The following HCN1 variants were observed in gnomAD, a reference collection of about 807,000 sequenced individuals.
HCN1 encodes the protein potassium/sodium hyperpolarization-activated cyclic nucleotide-gated channel 1.
A neutral mutation model predicts 78.9 loss-of-function variants in HCN1; 13 were observed. The observed-to-expected ratio is 0.16, with a 90% CI of 0.11 to 0.26. The LOEUF is 0.26. HCN1 is among the 10% of genes least tolerant of loss of function. The pLI is 1.00. For missense variants in HCN1, 810 were observed against 1,154.3 expected, an observed-to-expected ratio of 0.70 and a Z score of 4.32; for synonymous variants, 552 against 455.5, an observed-to-expected ratio of 1.21 and a Z score of -2.70.
chr5:45,284,924 A>G (rs1490125563), intron 6 of HCN1, among the ~76,000 whole-genome samples: 1 of 152,072 alleles, frequency 6.6e-6, no homozygotes, highest in Non-Finnish European at 1.5e-5. Context: ...TAAAGTGGAA[A>G]AAACAATGTA....
At chr5:45,640,593 T>C (rs1745434918) in intron 2 of HCN1, among the ~76,000 whole-genome samples, 1 of 150,854 alleles carries the variant, frequency 6.6e-6, no homozygotes. Flanking sequence ...TTTTTTTTTT[T>C]GACGGAGTTT....
Position 45,260,640 on chromosome 5 carries a change from A to G in HCN1, c.*1281T>C, listed in dbSNP as rs1480565328. The G allele has an allele frequency of 1.3e-5, 2 of 152,646 alleles. No individual in the cohort carries two copies. The highest frequency in any genetic ancestry group is 3.8e-4 in the East Asian group (2 of 5,198). The allele number at this position is 152,646 out of a possible 1,614,324, so 9.5% of individuals were successfully genotyped here. ...GAATTTATTTCTTTAAATTAATACC[A>G]TAGTAAATTACCAGCTACAGTGAAG... On this transcript the variant is annotated 3_prime_UTR_variant, in exon 8 of 8. Coordinates refer to ENST00000303230, the MANE Select transcript of HCN1 (RefSeq NM_021072.4).
At chr5:45,599,169 T>C (rs1369831985) in intron 2 of HCN1, among the ~76,000 whole-genome samples, 1 of 152,102 alleles carries the variant, frequency 6.6e-6, no homozygotes, top group Non-Finnish European at 1.5e-5. Context: ...CAAATAGCCA[T>C]CAATGCTAGA....
rs754531784 is a variant in HCN1, at chr5:45,262,737, G to A, written c.1857C>T (p.Asn619=). Reference sequence around the variant, plus strand: ...GTTTCACAATCTGCTTGAGGATTTCGTTCTCCTGATTGTTGAAAACACCAG... The same window carrying A: ...GTTTCACAATCTGCTTGAGGATTTCATTCTCCTGATTGTTGAAAACACCAG... ...LNTGVFNNQE[N]EILKQIVKHD... The change falls in exon 8 of 8, where the codon AAC becomes AAT. Residue 619 remains asparagine (N), a synonymous_variant. Transcript: ENST00000303230. The A allele has an allele frequency of 1.9e-6, 3 of 1,614,120 alleles. No individual in the cohort carries two copies. In the Admixed American group the frequency reaches 5.0e-5, roughly 27 times the overall value.
chr5:45,659,120 C>G (rs1378250152), intron 1 of HCN1, among the ~76,000 whole-genome samples: 1 of 152,002 alleles, frequency 6.6e-6, no homozygotes, highest in Non-Finnish European at 1.5e-5. Flanking sequence ...AACGGGCAGA[C>G]TGCCTCCTCA....
intron 4 of HCN1, among the ~76,000 whole-genome samples, chr5:45,383,381 A>T (rs1747845827): frequency 6.6e-6 from 1 of 152,056 alleles, no homozygotes; most frequent in Admixed American, 6.6e-5. Flanking sequence ...ACATAATTTC[A>T]AAATCTACAC....
At chr5:45,343,431 A>C (rs1419783644) in intron 5 of HCN1, among the ~76,000 whole-genome samples, 1 of 152,212 alleles carries the variant, frequency 6.6e-6, no homozygotes, top group African/African-American at 2.4e-5. Flanking sequence ...GAGATGCTTT[A>C]GTTTAGGACA....
intron 4 of HCN1, among the ~76,000 whole-genome samples, chr5:45,363,302 GCT>G (rs896076241): frequency 1.3e-5 from 2 of 151,324 alleles, no homozygotes; most frequent in Admixed American, 6.6e-5. Flanking sequence ...TTGCATCAGG[GCT>G]CTCTGGGAAC....
At chr5:45,374,320 T>C in intron 4 of HCN1, among the ~76,000 whole-genome samples, 1 of 139,664 alleles carries the variant, frequency 7.2e-6, no homozygotes, top group Middle Eastern at 3.3e-3. Context: ...ATATACATTA[T>C]ATACATTATA....
At chr5:45,326,690 G>C (rs1183170731) in intron 5 of HCN1, among the ~76,000 whole-genome samples, 1 of 151,616 alleles carries the variant, frequency 6.6e-6, no homozygotes, top group Non-Finnish European at 1.5e-5. Context: ...TAAAAGATCA[G>C]AGCAAGATGA....
intron 2 of HCN1, among the ~76,000 whole-genome samples, chr5:45,526,862 A>G (rs1425169460): frequency 6.6e-6 from 1 of 152,018 alleles, no homozygotes; most frequent in Non-Finnish European, 1.5e-5. Flanking sequence ...AGAAGCTGAT[A>G]GCATGTTATC....
chr5:45,336,613 A>G (rs777852747), intron 5 of HCN1, among the ~76,000 whole-genome samples: 2 of 152,258 alleles, frequency 1.3e-5, no homozygotes, highest in African/African-American at 2.4e-5. Flanking sequence ...GACATAATCT[A>G]GGTAGAACCG....
In HCN1 at chr5:45,259,939, C is replaced by T. The variant is rs1744698443; in HGVS notation, c.*1982G>A. ...GGTAGACTGAACAATCCCTTTCTTACAACAGTATTCCTGACATGCCATCAT... is the reference window on the plus strand; with the variant it reads ...GGTAGACTGAACAATCCCTTTCTTATAACAGTATTCCTGACATGCCATCAT... On this transcript the variant is annotated 3_prime_UTR_variant, in exon 8 of 8. Transcript: ENST00000303230. The T allele has an allele frequency of 1.3e-5, 2 of 152,592 alleles. No homozygotes were observed. Among genetic ancestry groups the T allele is most frequent in the African/African-American group, 4.8e-5 (2 of 41,434 alleles). The allele number at this position is 152,592 out of a possible 1,614,324, so 9.5% of individuals were successfully genotyped here.
chr5:45,672,607 A>G (rs1322844863), intron 1 of HCN1, among the ~76,000 whole-genome samples: 2 of 151,214 alleles, frequency 1.3e-5, no homozygotes, highest in African/African-American at 2.4e-5. Flanking sequence ...GCCTGAAAAG[A>G]CTTGCTTGTT....
At chr5:45,645,115 G>C in intron 2 of HCN1, 70 bp downstream of exon 2, 1 of 1,166,472 alleles carries the variant, frequency 8.6e-7, no homozygotes, top group South Asian at 1.3e-5. Flanking sequence ...TTGCACAGTT[G>C]TTCATTGTAA....
At chr5:45,460,297 G>T (rs1276292705) in intron 3 of HCN1, among the ~76,000 whole-genome samples, 1 of 152,072 alleles carries the variant, frequency 6.6e-6, no homozygotes, top group African/African-American at 2.4e-5. Context: ...GCCATGTGAG[G>T]GATAGATTTG....
intron 4 of HCN1, among the ~76,000 whole-genome samples, chr5:45,371,682 G>C (rs1469904214): frequency 6.7e-6 from 1 of 149,412 alleles, no homozygotes; most frequent in African/African-American, 2.5e-5. Flanking sequence ...ACTTGAACCC[G>C]GGAGGCGAAG....
rs373356767 is a variant in HCN1, at chr5:45,446,051, G to A, written c.1011+15795C>T. Among the ~76,000 whole-genome samples, 8 of 152,300 alleles carry A rather than the reference G, an allele frequency of 5.3e-5. 1 individual carries two copies. On this transcript the variant is annotated intron_variant, in intron 3 of 7. Coordinates refer to ENST00000303230, the MANE Select transcript of HCN1 (RefSeq NM_021072.4). ...AAGCTGGACAGAGAATGACTTTGAC[G>A]AGTTGAGAGAATAAGGCTTCAGATG...
intron 4 of HCN1, among the ~76,000 whole-genome samples, chr5:45,380,700 A>T (rs1747791242): frequency 6.6e-6 from 1 of 152,066 alleles, no homozygotes; most frequent in Non-Finnish European, 1.5e-5. Flanking sequence ...TTCTTTGTAC[A>T]TTTTGTGCCT....
Sources: gnomAD v4.1 joint callset for allele counts (sites outside exome capture counted in the v4.1 genomes callset) on GRCh38, gnomAD v4.1.1 for gene constraint, MANE v1.5 for transcripts, NCBI Gene and HGNC (gene_info 2026-07-23, HGNC 2026-07-21) for gene names.